The following CRACD variants were observed in gnomAD, a reference collection of about 807,000 sequenced individuals.
CRACD encodes the protein capping protein inhibiting regulator of actin dynamics.
A neutral mutation model predicts 106.8 loss-of-function variants in CRACD; 56 were observed. The ratio of observed to expected loss-of-function variants is 0.52; its 90% confidence interval spans 0.42 to 0.66. CRACD has a LOEUF of 0.66. CRACD is among the 30% of genes least tolerant of loss of function. CRACD has a pLI of 0.00. For synonymous variants in CRACD, 754 were observed against 670.8 expected (o/e 1.12, Z -1.92); for missense variants, 1,730 against 1,623.2 (o/e 1.07, Z -1.13).
chr4:56,264,378 A>G (rs1235962484), intron 2 of CRACD, among the ~76,000 whole-genome samples: 5 of 152,230 alleles, frequency 3.3e-5, no homozygotes, highest in Non-Finnish European at 7.3e-5. Context: ...GAATTTCATC[A>G]CATTGAGAAG....
chr4:56,308,455 T>A (rs1236425953), intron 5 of CRACD, among the ~76,000 whole-genome samples: 1 of 148,768 alleles, frequency 6.7e-6, no homozygotes, highest in African/African-American at 2.5e-5. Flanking sequence ...GGTGAGGCAC[T>A]GGGGTTTCAC....
chr4:56,202,788 A>G (rs1182098795), intron 2 of CRACD, among the ~76,000 whole-genome samples: 1 of 152,226 alleles, frequency 6.6e-6, no homozygotes, highest in East Asian at 1.9e-4. Context: ...GTATTTTATG[A>G]TCACTATAAA....
At chr4:56,236,195 T>C (rs1739960045) in intron 2 of CRACD, among the ~76,000 whole-genome samples, 2 of 152,052 alleles carry the variant, frequency 1.3e-5, no homozygotes, top group Admixed American at 1.3e-4. Flanking sequence ...GAGAAAAACA[T>C]GCTCAAGGAA....
intron 2 of CRACD, among the ~76,000 whole-genome samples, chr4:56,237,196 A>G (rs1560496502): frequency 6.6e-6 from 1 of 152,196 alleles, no homozygotes; most frequent in African/African-American, 2.4e-5. Context: ...AAATTTAAGT[A>G]TGTGGCCTGG....
intron 4 of CRACD, 27 bp downstream of exon 4, chr4:56,298,376 G>C (rs201391712): frequency 6.2e-7 from 1 of 1,611,466 alleles, no homozygotes; most frequent in Admixed American, 1.7e-5. Context: ...GTGGAATTAC[G>C]AGCCATAGGA....
intron 1 of CRACD, among the ~76,000 whole-genome samples, chr4:56,113,826 A>G (rs890933299): frequency 1.3e-5 from 2 of 152,182 alleles, no homozygotes; most frequent in African/African-American, 4.8e-5. Context: ...AATTCGCACA[A>G]AAAGAATTCT....
chr4:56,160,778 C>T (rs1343476102), intron 1 of CRACD, among the ~76,000 whole-genome samples: 2 of 152,232 alleles, frequency 1.3e-5, no homozygotes, highest in South Asian at 2.1e-4. Context: ...GCACCTGTTA[C>T]GTGATAAACT....
At chr4:56,247,888 A>T (rs1416906259) in intron 2 of CRACD, among the ~76,000 whole-genome samples, 1 of 151,958 alleles carries the variant, frequency 6.6e-6, no homozygotes, top group African/African-American at 2.4e-5. Context: ...TCCTATTGTG[A>T]AGCCTGGGAG....
chr4:56,145,252 G>A (rs900454291), intron 1 of CRACD, among the ~76,000 whole-genome samples: 3 of 152,090 alleles, frequency 2.0e-5, no homozygotes, highest in Non-Finnish European at 4.4e-5. Flanking sequence ...ATGTACTCAC[G>A]TCAGCATTTC....
rs79250376 is a variant in CRACD, at chr4:56,158,059, G to A, written c.-335-21225G>A. 2.8e-3 allele frequency among the ~76,000 whole-genome samples: 422 copies of A among 152,282 alleles called. 1 individual carries two copies. Among genetic ancestry groups the A allele is most frequent in the African/African-American group, 9.3e-3 (387 of 41,554 alleles). On this transcript the variant is annotated intron_variant, in intron 1 of 10. Coordinates refer to ENST00000682029, the MANE Select transcript of CRACD (RefSeq NM_001393381.1). Reference sequence around the variant, plus strand: ...CTGCTGAAAGCTATGTCAAATCCATGAAGAATGAGGCAAATTATAAATAAA... The same window carrying A: ...CTGCTGAAAGCTATGTCAAATCCATAAAGAATGAGGCAAATTATAAATAAA...
chr4:56,325,173 A>G (rs945360163), intron 10 of CRACD, among the ~76,000 whole-genome samples: 26 of 152,076 alleles, frequency 1.7e-4, no homozygotes, highest in African/African-American at 6.0e-4. Flanking sequence ...CGTCTCTACT[A>G]AAAATACAAA....
rs776884281 is a variant in CRACD, at chr4:56,315,826, A to T, written c.2324A>T (p.Lys775Met). Reference sequence around the variant, plus strand: ...CGCGAGCTCGGGAAGGGTCCGGAGAAGTCGGAGATGCACCGGGAGCCCGCA... The same window carrying T: ...CGCGAGCTCGGGAAGGGTCCGGAGATGTCGGAGATGCACCGGGAGCCCGCA... ...GVRELGKGPE[K>M]SEMHREPADT... The change falls in exon 8 of 11, where the codon AAG becomes ATG. Residue 775 changes from lysine to methionine, a missense_variant. Around this residue, in one of 5 missense-constraint regions of CRACD, gnomAD observed 1,620 missense variants for 1,481.6 expected, o/e 1.09. Coordinates refer to ENST00000682029, the MANE Select transcript of CRACD (RefSeq NM_001393381.1). This position sits in a 1 kb window ranked among gnomAD's most constrained non-coding sequence, Gnocchi z 4.1. The T allele has an allele frequency of 6.2e-7, 1 of 1,614,192 alleles. No individual in the cohort carries two copies. Among genetic ancestry groups the T allele is most frequent in the Non-Finnish European group, 8.5e-7 (1 of 1,180,026 alleles).
intron 1 of CRACD, among the ~76,000 whole-genome samples, chr4:56,132,169 G>A (rs747943637): frequency 1.4e-4 from 22 of 152,112 alleles, no homozygotes; most frequent in Non-Finnish European, 2.8e-4. Context: ...TCAGCCTCTC[G>A]AGTAGCTGAT....
chr4:56,286,406 A>AC lies in CRACD; in HGVS notation c.-16-11807dup, dbSNP rs398107334. ...AGATTCTGTCTCCGAAAAAAAAAAA[A>AC]CACAAAAAACTCGGGAGGCCGAGGC... On this transcript the variant is annotated intron_variant, in intron 3 of 10. Transcript: ENST00000682029. Among the ~76,000 whole-genome samples, 194 of 147,496 alleles carry AC rather than the reference A, an allele frequency of 1.3e-3. 2 individuals carry two copies. The highest frequency in any genetic ancestry group is 4.6e-3 in the African/African-American group (185 of 39,928).
In CRACD at chr4:56,328,571, A is replaced by G; in HGVS notation, c.*767A>G. ...AATTCTAGATCAGAGCTACAAGTTC[A>G]CTTTCTGTCTCTGAGAATCTCCATC... On this transcript the variant is annotated 3_prime_UTR_variant, in exon 11 of 11. Transcript: ENST00000682029. 2 of 348,548 alleles carry G rather than the reference A, an allele frequency of 5.7e-6. No individual in the cohort carries two copies. The highest frequency in any genetic ancestry group is 1.1e-5 in the Non-Finnish European group (2 of 177,352). 21.6% of individuals were successfully genotyped at this position (348,548 alleles called of 1,614,324 possible). A position where few individuals can be genotyped will look rare whatever the true frequency, so the allele number is the denominator to read the frequency against.
At chr4:56,142,982 T>A (rs1056107561) in intron 1 of CRACD, among the ~76,000 whole-genome samples, 20 of 152,054 alleles carry the variant, frequency 1.3e-4, no homozygotes, top group Admixed American at 2.6e-4. Flanking sequence ...CTCCTTTTCA[T>A]TGATTTTTCT....
At chr4:56,194,740 C>T (rs1339724588) in intron 2 of CRACD, among the ~76,000 whole-genome samples, 1 of 152,176 alleles carries the variant, frequency 6.6e-6, no homozygotes, top group African/African-American at 2.4e-5. Context: ...GAATTTCCAG[C>T]CTCCAGAACA....
At chr4:56,147,498 A>T (rs1735429689) in intron 1 of CRACD, among the ~76,000 whole-genome samples, 1 of 152,108 alleles carries the variant, frequency 6.6e-6, no homozygotes, top group African/African-American at 2.4e-5. Context: ...CCTGTTCTGG[A>T]CATTTTATAT....
intron 1 of CRACD, among the ~76,000 whole-genome samples, chr4:56,062,030 C>A (rs1218813292): frequency 6.6e-6 from 1 of 152,172 alleles, no homozygotes; most frequent in Non-Finnish European, 1.5e-5. Context: ...ACAGTTTATT[C>A]GATGTCATGA....
Sources: gnomAD v4.1 joint callset for allele counts (sites outside exome capture counted in the v4.1 genomes callset) on GRCh38, gnomAD v4.1.1 for gene constraint, gnomAD v4.1.1 regional missense constraint, Gnocchi (gnomAD v3.1) non-coding constraint, MANE v1.5 for transcripts, NCBI Gene and HGNC (gene_info 2026-07-23, HGNC 2026-07-21) for gene names.